Variants in C2orf69 observed in about 807,000 individuals in gnomAD.
C2orf69 encodes mitochondrial protein C2orf69.
C2orf69 carries 19 observed loss-of-function variants against 29.5 expected under a neutral mutation model. That is an observed-to-expected ratio of 0.65 (90% confidence interval 0.45 to 0.95). The LOEUF (loss-of-function observed/expected upper bound fraction) is 0.95. C2orf69 is among the 40% of genes least tolerant of loss of function. C2orf69 has a pLI of 0.00. For missense variants in C2orf69, 416 were observed against 482.1 expected, an observed-to-expected ratio of 0.86 and a Z score of 1.28; for synonymous variants, 194 against 180.0, an observed-to-expected ratio of 1.08 and a Z score of -0.62.
chr2:199,921,939 A>C (rs2077317745), intron 1 of C2orf69, among the ~76,000 whole-genome samples: 1 of 149,792 alleles, frequency 6.7e-6, no homozygotes, highest in Non-Finnish European at 1.5e-5. Flanking sequence ...CTAAAAGTTC[A>C]GATTATTTAC....
chr2:199,911,706 C>A lies in C2orf69; in HGVS notation c.268C>A (p.Pro90Thr). 6.5e-7 allele frequency: 1 copy of A among 1,545,602 alleles called. No individual in the cohort carries two copies. ...GLERQDLPGD[P>T]AKEEPQPPPQ... ...GGAGCGGCAGGACCTCCCCGGGGAC[C>A]CAGCGAAGGAGGAGCCGCAGCCGCC... is the stretch of plus-strand genomic sequence containing the variant. Residue 90 changes from proline (P) to threonine (T), a missense_variant, in exon 1 of 2, where the codon CCA becomes ACA. By Grantham distance (38) the Pro-to-Thr change is conservative. Coordinates refer to ENST00000319974, the MANE Select transcript of C2orf69 (RefSeq NM_153689.6).
At position 199,911,710 on chromosome 2, in the gene C2orf69, C is replaced by G. The variant is rs757661577; in HGVS notation, c.272C>G (p.Ala91Gly). 4 of 1,544,982 alleles carry G rather than the reference C, an allele frequency of 2.6e-6. No homozygotes were observed. In the African/African-American group the frequency reaches 5.5e-5, roughly 21 times the overall value. Reference sequence around the variant, plus strand: ...CGGCAGGACCTCCCCGGGGACCCAGCGAAGGAGGAGCCGCAGCCGCCGCCC... The same window carrying G: ...CGGCAGGACCTCCCCGGGGACCCAGGGAAGGAGGAGCCGCAGCCGCCGCCC... Reference protein sequence around the residue: ...LERQDLPGDPAKEEPQPPPQH... With the variant: ...LERQDLPGDPGKEEPQPPPQH... Residue 91 changes from alanine to glycine, a missense_variant, in exon 1 of 2, where the codon GCG (alanine) becomes GGG (glycine). By Grantham distance (60) the Ala-to-Gly change is moderately conservative. Transcript: ENST00000319974.
intron 1 of C2orf69, among the ~76,000 whole-genome samples, chr2:199,923,994 T>TA (rs1015153470): frequency 3.9e-5 from 6 of 152,004 alleles, no homozygotes; most frequent in Admixed American, 1.3e-4. Flanking sequence ...ACCTCCCTTT[T>TA]AAAAAAAAGT....
At position 199,927,425 on chromosome 2, in the gene C2orf69, T is replaced by C. The variant is rs1459962762; in HGVS notation, c.*1539T>C. On this transcript the variant is annotated 3_prime_UTR_variant, in exon 2 of 2. Transcript: ENST00000319974. ...ATTTCTTGGTTTCTTCCCAGAATTA[T>C]ATTTTAATGACTCCATAAATACATT... 6.6e-6 allele frequency: 1 copy of C among 151,980 alleles called. No homozygotes were observed. The highest frequency in any genetic ancestry group is 1.5e-5 in the Non-Finnish European group (1 of 67,948). 9.4% of individuals were successfully genotyped at this position (151,980 alleles called of 1,614,324 possible).
Position 199,925,083 on chromosome 2 carries a change from C to T in C2orf69, c.355C>T (p.Arg119Cys), listed in dbSNP as rs762047776. 25 of 1,604,570 alleles carry T rather than the reference C, an allele frequency of 1.6e-5. No individual in the cohort carries two copies. In the East Asian group the frequency reaches 1.6e-4, roughly 10 times the overall value. ...TCAGAATTACCATGAAATTATGACT[C>T]GTCATCCTGAGAATTATCAATGGGA... ...DVQNYHEIMT[R>C]HPENYQWENW... Residue 119 changes from arginine to cysteine, a missense_variant, in exon 2 of 2, where the codon CGT becomes TGT. Transcript: ENST00000319974. This position sits in a 1 kb window ranked among gnomAD's most constrained non-coding sequence, Gnocchi z 4.9.
chr2:199,926,846 T>C lies in C2orf69; in HGVS notation c.*960T>C, dbSNP rs185746929. On this transcript the variant is annotated 3_prime_UTR_variant, in exon 2 of 2. Coordinates refer to ENST00000319974, the MANE Select transcript of C2orf69 (RefSeq NM_153689.6). ...ACAGAGCAAATTTCAAATTTTTCATTATATCAGTCTTTTTGAAAGGATCAA... is the reference window on the plus strand; with the variant it reads ...ACAGAGCAAATTTCAAATTTTTCATCATATCAGTCTTTTTGAAAGGATCAA... 457 of 152,732 alleles carry C rather than the reference T, an allele frequency of 3.0e-3. 1 individual carries two copies. The highest frequency in any genetic ancestry group is 0.011 in the African/African-American group (440 of 41,556). 9.5% of individuals were successfully genotyped at this position (152,732 alleles called of 1,614,324 possible).
chr2:199,919,965 G>T (rs2077307598), intron 1 of C2orf69, among the ~76,000 whole-genome samples: 1 of 152,178 alleles, frequency 6.6e-6, no homozygotes, highest in Admixed American at 6.5e-5. Context: ...GTGGGTCTCT[G>T]AGTTTTTGCA....
In C2orf69 at chr2:199,924,969, C is replaced by T. The variant is rs1368057659; in HGVS notation, c.334-93C>T. ...CATTAACCATAGGTCATTGTAACATCCCTTCTCCACAATAAAAATGGAAAC... is the reference window on the plus strand; with the variant it reads ...CATTAACCATAGGTCATTGTAACATTCCTTCTCCACAATAAAAATGGAAAC... On this transcript the variant is annotated intron_variant, in intron 1 of 1. Transcript: ENST00000319974. 9 of 735,682 alleles carry T rather than the reference C, an allele frequency of 1.2e-5. No individual in the cohort carries two copies. The Middle Eastern group carries it at 1.1e-3, about 93-fold the overall frequency. 45.6% of individuals were successfully genotyped at this position (735,682 alleles called of 1,614,324 possible).
intron 1 of C2orf69, among the ~76,000 whole-genome samples, chr2:199,916,223 C>A (rs1042809628): frequency 6.6e-6 from 1 of 152,126 alleles, no homozygotes; most frequent in Non-Finnish European, 1.5e-5. Context: ...CCTTGTAAAA[C>A]CATCTCATGA....
chr2:199,922,038 T>TATATATATATAC (rs2077318574), intron 1 of C2orf69, among the ~76,000 whole-genome samples: 1 of 134,600 alleles, frequency 7.4e-6, no homozygotes, highest in South Asian at 2.4e-4. Context: ...TTTTTATATA[T>TATATATATATAC]ATATATATAT....
chr2:199,913,137 A>C (rs2077274132), intron 1 of C2orf69, among the ~76,000 whole-genome samples: 1 of 124,984 alleles, frequency 8.0e-6, no homozygotes, highest in Non-Finnish European at 1.6e-5. Context: ...TTTTGAGGGC[A>C]AAAGAAAATA....
chr2:199,911,517 T>C lies in C2orf69; in HGVS notation c.79T>C (p.Cys27Arg). The C allele has an allele frequency of 6.5e-7, 1 of 1,549,436 alleles. No individual in the cohort carries two copies. Among genetic ancestry groups the C allele is most frequent in the Non-Finnish European group, 8.7e-7 (1 of 1,146,568 alleles). ...GCTCGGAATCGGAAACGCCTCGTCC[T>C]GCTCTCAGGCCAGAACCATGAACCC... Reference protein sequence around the residue: ...PQLGIGNASSCSQARTMNPGG... With the variant: ...PQLGIGNASSRSQARTMNPGG... The change falls in exon 1 of 2, where the codon TGC becomes CGC. Residue 27 changes from cysteine (C) to arginine (R), a missense_variant. Cys to Arg is a radical substitution (Grantham distance 180). Around this residue, in one of 4 missense-constraint regions of C2orf69, gnomAD observed 175 missense variants for 139.9 expected, o/e 1.25. Coordinates refer to ENST00000319974, the MANE Select transcript of C2orf69 (RefSeq NM_153689.6).
At chr2:199,924,938 A>T (rs2077330042) in intron 1 of C2orf69, 124 bp from the exon 2 acceptor site, 1 of 620,892 alleles carries the variant, frequency 1.6e-6, no homozygotes, top group Non-Finnish European at 2.8e-6. Context: ...TTTCATTTCT[A>T]GTGTACATTA....
At chr2:199,918,091 A>G (rs2077300616) in intron 1 of C2orf69, among the ~76,000 whole-genome samples, 3 of 152,212 alleles carry the variant, frequency 2.0e-5, no homozygotes, top group African/African-American at 7.2e-5. Context: ...TAACCGCCCC[A>G]TGATTCAATT....
rs754264597 is a variant in C2orf69, at chr2:199,925,119, C to T, written c.391C>T (p.Leu131=). The T allele has an allele frequency of 1.2e-6, 2 of 1,613,020 alleles. No homozygotes were observed. Among genetic ancestry groups the T allele is most frequent in the Admixed American group, 3.3e-5 (2 of 59,966 alleles). ...GAATTATCAATGGGAAAACTGGAGTCTAGAAAATGTTGCTACCATTTTAGC... is the reference window on the plus strand; with the variant it reads ...GAATTATCAATGGGAAAACTGGAGTTTAGAAAATGTTGCTACCATTTTAGC... ...PENYQWENWS[L]ENVATILAHR... is the part of the protein sequence containing the mutation. Residue 131 remains leucine, a synonymous_variant, in exon 2 of 2, where the codon CTA becomes TTA. Coordinates refer to ENST00000319974, the MANE Select transcript of C2orf69 (RefSeq NM_153689.6). This position sits in a 1 kb window ranked among gnomAD's most constrained non-coding sequence, Gnocchi z 4.9.
intron 1 of C2orf69, among the ~76,000 whole-genome samples, chr2:199,919,135 G>A (rs749042831): frequency 1.1e-4 from 16 of 152,138 alleles, no homozygotes; most frequent in Middle Eastern, 3.4e-3. Flanking sequence ...AAAATTTTTC[G>A]TAGAAACGAG....
In C2orf69 at chr2:199,925,135, C is replaced by G. The variant is rs200098289; in HGVS notation, c.407C>G (p.Thr136Ser). The change falls in exon 2 of 2, where the codon ACC becomes AGC. Residue 136 changes from threonine (T) to serine (S), a missense_variant. This residue lies in a region of C2orf69 where 225 missense variants were observed against 307.3 expected (regional missense o/e 0.73). Coordinates refer to ENST00000319974, the MANE Select transcript of C2orf69 (RefSeq NM_153689.6). This position sits in a 1 kb window ranked among gnomAD's most constrained non-coding sequence, Gnocchi z 4.9. ...AACTGGAGTCTAGAAAATGTTGCTACCATTTTAGCCCACCGGTTCCCCAAT... is the reference window on the plus strand; with the variant it reads ...AACTGGAGTCTAGAAAATGTTGCTAGCATTTTAGCCCACCGGTTCCCCAAT... ...WENWSLENVA[T>S]ILAHRFPNSY... 1.3e-4 allele frequency: 216 copies of G among 1,612,708 alleles called. No homozygotes were observed. In the East Asian group the frequency reaches 3.8e-3, roughly 28 times the overall value.
At position 199,927,340 on chromosome 2, in the gene C2orf69, T is replaced by TA. The variant is rs2077339712; in HGVS notation, c.*1454_*1455insA. 1 of 147,934 alleles carries TA rather than the reference T, an allele frequency of 6.8e-6. No homozygotes were observed. The highest frequency in any genetic ancestry group is 1.5e-5 in the Non-Finnish European group (1 of 67,198). 9.2% of individuals were successfully genotyped at this position (147,934 alleles called of 1,614,324 possible). A position where few individuals can be genotyped will look rare whatever the true frequency, so the allele number is the denominator to read the frequency against. ...AAAAAAAAAAAAAAGACACTGAAGC[T>TA]TAATACCTTAATGACCCAGAAGACC... On this transcript the variant is annotated 3_prime_UTR_variant, in exon 2 of 2. Coordinates refer to ENST00000319974, the MANE Select transcript of C2orf69 (RefSeq NM_153689.6).
chr2:199,926,382 C>A lies in C2orf69; in HGVS notation c.*496C>A, dbSNP rs1356010155. The A allele has an allele frequency of 3.2e-5, 5 of 156,894 alleles. No individual in the cohort carries two copies. Among genetic ancestry groups the A allele is most frequent in the Admixed American group, 3.0e-4 (5 of 16,500 alleles). The allele number at this position is 156,894 out of a possible 1,614,324, so 9.7% of individuals were successfully genotyped here. On this transcript the variant is annotated 3_prime_UTR_variant, in exon 2 of 2. Transcript: ENST00000319974. ...CCTGCCTTTTGTGTTTTTGTAAACT[C>A]CTTGACTCATTCTTTCATGTGTCAC...
Sources: allele counts gnomAD v4.1 joint callset (sites outside exome capture counted in the v4.1 genomes callset), GRCh38; gene constraint gnomAD v4.1.1; regional missense constraint gnomAD v4.1.1; non-coding constraint Gnocchi (gnomAD v3.1); transcripts MANE v1.5; gene names NCBI Gene and HGNC (gene_info 2026-07-23, HGNC 2026-07-21).